SYK: variants seen among roughly 807,000 people sequenced by gnomAD.
SYK encodes the protein tyrosine-protein kinase SYK.
A neutral mutation model predicts 77.8 loss-of-function variants in SYK; 16 were observed. The observed-to-expected ratio is 0.21, with a 90% CI of 0.14 to 0.31. The LOEUF is 0.31. Ranked by LOEUF, SYK falls within the 10% of genes least tolerant of loss-of-function variation. The probability of loss-of-function intolerance (pLI) is 1.00; values close to 1 mark genes in which losing one functional copy is unlikely to be tolerated. For missense variants in SYK, 529 were observed against 814.4 expected, an observed-to-expected ratio of 0.65 and a Z score of 4.26; for synonymous variants, 312 against 308.7, an observed-to-expected ratio of 1.01 and a Z score of -0.11.
intron 11 of SYK, among the ~76,000 whole-genome samples, chr9:90,883,734 G>C (rs186681273): frequency 4.6e-5 from 7 of 152,130 alleles, no homozygotes; most frequent in South Asian, 2.1e-4. Flanking sequence ...GACCACTTGG[G>C]TTCCAGTGAG....
At chr9:90,878,471 G>A (rs1828027537) in intron 10 of SYK, among the ~76,000 whole-genome samples, 1 of 152,220 alleles carries the variant, frequency 6.6e-6, no homozygotes, top group South Asian at 2.1e-4. Flanking sequence ...ACTGGAACAA[G>A]GATTTGAGGT....
chr9:90,837,758 G>A (rs1255105074), intron 1 of SYK, among the ~76,000 whole-genome samples: 1 of 152,208 alleles, frequency 6.6e-6, no homozygotes, highest in Middle Eastern at 3.2e-3. Context: ...CAGGAGCTAT[G>A]GGGAGACATG....
chr9:90,822,615 A>T (rs1825556036), intron 1 of SYK, among the ~76,000 whole-genome samples: 1 of 152,180 alleles, frequency 6.6e-6, no homozygotes, highest in Non-Finnish European at 1.5e-5. Flanking sequence ...GAGATAGGTG[A>T]TGATTTAGTA....
chr9:90,876,220 G>T (rs929984521), intron 9 of SYK, among the ~76,000 whole-genome samples: 1 of 150,662 alleles, frequency 6.6e-6, no homozygotes, highest in South Asian at 2.1e-4. Context: ...CTGGGAGGAA[G>T]AGGTTGCAGC....
At chr9:90,877,911 A>G (rs1828008354) in intron 10 of SYK, 131 bp downstream of exon 10, 2 of 835,052 alleles carry the variant, frequency 2.4e-6, no homozygotes, top group Non-Finnish European at 3.8e-6. Context: ...ATTGGTCCAT[A>G]CTCAGGGACC....
intron 1 of SYK, among the ~76,000 whole-genome samples, chr9:90,843,421 A>G (rs1294782309): frequency 2.0e-5 from 3 of 152,172 alleles, no homozygotes; most frequent in African/African-American, 7.2e-5. Flanking sequence ...GATGAGGAGC[A>G]AGGCTTCTCT....
chr9:90,843,030 A>G (rs376451624), intron 1 of SYK, among the ~76,000 whole-genome samples: 2 of 152,180 alleles, frequency 1.3e-5, no homozygotes, highest in African/African-American at 4.8e-5. Flanking sequence ...TACTGCAAGC[A>G]GTGTCTCTCC....
At chr9:90,866,103 G>T (rs931303505) in intron 6 of SYK, among the ~76,000 whole-genome samples, 1 of 152,072 alleles carries the variant, frequency 6.6e-6, no homozygotes, top group African/African-American at 2.4e-5. Context: ...GTTTCACCCC[G>T]TTAGCCAGGA....
chr9:90,841,171 GTGTT>G (rs1826302657), intron 1 of SYK, among the ~76,000 whole-genome samples: 1 of 150,822 alleles, frequency 6.6e-6, no homozygotes, highest in Non-Finnish European at 1.5e-5. Context: ...TGGTTTGTGT[GTGTT>G]TTTATGTGTA....
chr9:90,887,900 C>T lies in SYK; in HGVS notation c.1722+11C>T. On this transcript the variant is annotated intron_variant, in intron 12 of 13. Transcript: ENST00000375754. ...CAGAAGCCATATCGAGTGAGCCAGT[C>T]CTGCTTCATTTTCTCACTGTGGGGC... is the stretch of plus-strand genomic sequence containing the variant. 1 of 1,571,414 alleles carries T rather than the reference C, an allele frequency of 6.4e-7. No individual in the cohort carries two copies. The highest frequency in any genetic ancestry group is 8.7e-7 in the Non-Finnish European group (1 of 1,154,894).
intron 1 of SYK, among the ~76,000 whole-genome samples, chr9:90,817,362 T>C (rs1257397472): frequency 1.3e-5 from 2 of 152,202 alleles, no homozygotes; most frequent in Non-Finnish European, 2.9e-5. Flanking sequence ...ACCCCTGTCT[T>C]TCTCAATTTT....
chr9:90,847,678 C>T (rs911041631), intron 3 of SYK, among the ~76,000 whole-genome samples: 5 of 152,256 alleles, frequency 3.3e-5, no homozygotes, highest in Non-Finnish European at 5.9e-5. Context: ...CAAGACCCAG[C>T]TTCAGAACCC....
chr9:90,831,027 A>C (rs114196963), intron 1 of SYK, among the ~76,000 whole-genome samples: 2,893 of 152,296 alleles, frequency 0.019, 96 homozygotes, highest in African/African-American at 0.066. Flanking sequence ...GTGTGGTTTG[A>C]GCGTGATAAG....
At chr9:90,884,191 A>ATACACATACGTGTATATATACACG (rs1564119992) in intron 11 of SYK, among the ~76,000 whole-genome samples, 15 of 149,166 alleles carry the variant, frequency 1.0e-4, no homozygotes, top group African/African-American at 3.3e-4. Flanking sequence ...ATATATACAC[A>ATACACATACGTGTATATATACACG]CATACACATA....
At position 90,895,365 on chromosome 9, in the gene SYK, C is replaced by T. The variant is rs868021229; in HGVS notation, c.1836-163C>T. On this transcript the variant is annotated intron_variant, in intron 13 of 13. Transcript: ENST00000375754. This position sits in a 1 kb window ranked among gnomAD's most constrained non-coding sequence, Gnocchi z 4.4. ...ACACTATTTTTGACAGCCTTGTGGT[C>T]ACCCTGGGGTGGGGGGCACAGGGAC... is the stretch of plus-strand genomic sequence containing the variant. 2.6e-5 allele frequency among the ~76,000 whole-genome samples: 4 copies of T among 152,198 alleles called. No homozygotes were observed. The highest frequency in any genetic ancestry group is 9.7e-5 in the African/African-American group (4 of 41,440).
intron 7 of SYK, among the ~76,000 whole-genome samples, chr9:90,873,232 C>T (rs906538819): frequency 6.6e-6 from 1 of 151,692 alleles, no homozygotes; most frequent in Non-Finnish European, 1.5e-5. Flanking sequence ...AGCTTAATGT[C>T]TCTGTTTCTG....
At chr9:90,886,948 G>A (rs572230643) in intron 11 of SYK, among the ~76,000 whole-genome samples, 2 of 152,290 alleles carry the variant, frequency 1.3e-5, no homozygotes, top group South Asian at 2.1e-4. Context: ...CTCTAGAGGT[G>A]TTCACTGGTT....
At chr9:90,880,011 A>G (rs982718569) in intron 11 of SYK, among the ~76,000 whole-genome samples, 2 of 152,232 alleles carry the variant, frequency 1.3e-5, no homozygotes, top group African/African-American at 4.8e-5. Flanking sequence ...CACCAATCCC[A>G]CTGAGTCAAA....
At chr9:90,892,184 G>C (rs554132339) in intron 13 of SYK, among the ~76,000 whole-genome samples, 13 of 152,324 alleles carry the variant, frequency 8.5e-5, no homozygotes, top group Non-Finnish European at 1.6e-4. Flanking sequence ...CATTTAAGGA[G>C]AAATGACAGG....
Sources: allele counts gnomAD v4.1 joint callset (sites outside exome capture counted in the v4.1 genomes callset), GRCh38; gene constraint gnomAD v4.1.1; non-coding constraint Gnocchi (gnomAD v3.1); transcripts MANE v1.5; gene names NCBI Gene and HGNC (gene_info 2026-07-23, HGNC 2026-07-21).